Variants in MYH13 observed in about 807,000 individuals in gnomAD.
MYH13 encodes myosin-13.
MYH13 carries 177 observed loss-of-function variants against 232.1 expected under a neutral mutation model. That is an observed-to-expected ratio of 0.76 (90% CI 0.67 to 0.86). MYH13 has a LOEUF of 0.86. Among genes scored for constraint, MYH13 ranks in the 40% least tolerant of loss-of-function variants. The pLI is 0.00. For synonymous variants in MYH13, 884 were observed against 923.5 expected (o/e 0.96, Z 0.78); for missense variants, 2,246 against 2,405.9 (o/e 0.93, Z 1.39).
intron 11 of MYH13, among the ~76,000 whole-genome samples, chr17:10,351,897 G>A (rs987026318): frequency 2.0e-5 from 3 of 152,188 alleles, no homozygotes; most frequent in Non-Finnish European, 4.4e-5. Flanking sequence ...ACGTAGGATA[G>A]ACCCAATAGG....
chr17:10,368,969 T>A (rs1299375088), intron 2 of MYH13, among the ~76,000 whole-genome samples: 1 of 152,232 alleles, frequency 6.6e-6, no homozygotes, highest in African/African-American at 2.4e-5. Context: ...GTTTGGGAAC[T>A]ACTGATTTAA....
intron 16 of MYH13, among the ~76,000 whole-genome samples, chr17:10,342,150 A>G (rs1468733228): frequency 6.6e-6 from 1 of 152,054 alleles, no homozygotes; most frequent in African/African-American, 2.4e-5. Flanking sequence ...ATCTCATGTG[A>G]TCCTCCCAGC....
intron 27 of MYH13, among the ~76,000 whole-genome samples, chr17:10,318,505 G>A (rs566168665): frequency 2.0e-5 from 3 of 152,286 alleles, no homozygotes; most frequent in South Asian, 2.1e-4. Context: ...GACAGACACC[G>A]AATTTGCTGG....
rs1216624743 is a variant in MYH13 at position 10,303,446 on chromosome 17, G to A, written c.5519C>T (p.Ala1840Val). The change falls in exon 38 of 41, where the codon GCC becomes GTC. Residue 1840 changes from alanine (A) to valine (V), a missense_variant. Transcript: ENST00000252172. ...LDVEQKRGAE[A>V]LKGAHKYERK... ...TTCGTACTTGTGGGCTCCCTTCAGG[G>A]CTTCAGCTCCCCTCTTCTGTTCCAC... is the stretch of plus-strand genomic sequence containing the variant. The A allele has an allele frequency of 1.9e-6, 3 of 1,613,944 alleles. No homozygotes were observed. Among genetic ancestry groups the A allele is most frequent in the East Asian group, 4.5e-5 (2 of 44,880 alleles).
Position 10,304,015 on chromosome 17 carries a change from G to T in MYH13, c.5467-517C>A, listed in dbSNP as rs1448752924. The stretch of plus-strand genomic sequence containing the variant: ...AAACCATCATTCTCAGCAAACTAAG[G>T]AACAGAAAACCAAACACCACATATT... On this transcript the variant is annotated intron_variant, in intron 37 of 40. Coordinates refer to ENST00000252172, the MANE Select transcript of MYH13 (RefSeq NM_003802.3). The surrounding 1 kb of genome is among the most constrained non-coding windows in gnomAD (Gnocchi z 5.3). Among the ~76,000 whole-genome samples, 5 of 152,096 alleles carry T rather than the reference G, an allele frequency of 3.3e-5. No individual in the cohort carries two copies. The highest frequency in any genetic ancestry group is 3.3e-4 in the Admixed American group (5 of 15,264).
In MYH13 at chr17:10,328,251, C is replaced by T. The variant is rs553473403; in HGVS notation, c.2436-130G>A. On this transcript the variant is annotated intron_variant, in intron 21 of 40. Coordinates refer to ENST00000252172, the MANE Select transcript of MYH13 (RefSeq NM_003802.3). The stretch of plus-strand genomic sequence containing the variant: ...GGGAAGGAGGTGCAGCCAAGCTTGG[C>T]AGATCCTCTGGATCCAGAGTAGGTC... 117 of 1,035,944 alleles carry T rather than the reference C, an allele frequency of 1.1e-4. 1 individual carries two copies. In the Middle Eastern group the frequency reaches 1.5e-3, roughly 13 times the overall value. The allele number at this position is 1,035,944 out of a possible 1,614,324, so 64.2% of individuals were successfully genotyped here. A position where few individuals can be genotyped will look rare whatever the true frequency, so the allele number is the denominator to read the frequency against.
At chr17:10,347,970 C>T (rs939307256) in intron 12 of MYH13, among the ~76,000 whole-genome samples, 1 of 151,982 alleles carries the variant, frequency 6.6e-6, no homozygotes, top group Non-Finnish European at 1.5e-5. Flanking sequence ...GCCCACCTCC[C>T]AAAGTGCTGG....
At chr17:10,326,580 C>T (rs866617718) in intron 22 of MYH13, among the ~76,000 whole-genome samples, 5 of 151,784 alleles carry the variant, frequency 3.3e-5, no homozygotes, top group South Asian at 2.1e-4. Flanking sequence ...AAGTGATTCT[C>T]CTGCCTCAGC....
intron 23 of MYH13, among the ~76,000 whole-genome samples, chr17:10,323,776 AAAAAAAAAAAAAAGAAGAAG>A (rs1433987357): frequency 5.6e-4 from 58 of 103,180 alleles, no homozygotes; most frequent in East Asian, 2.2e-3. Context: ...AAAAAAAAAA[AAAAAAAAAAAAAAGAAGAAG>A]AAGAAGAAGA....
At chr17:10,365,840 G>GGTGTGTGTGTGTGT (rs150455118) in intron 2 of MYH13, among the ~76,000 whole-genome samples, 1 of 140,192 alleles carries the variant, frequency 7.1e-6, no homozygotes, top group Non-Finnish European at 1.5e-5. Context: ...CTTGCTGCAT[G>GGTGTGTGTGTGTGT]GTGTGTGTGT....
At position 10,362,465 on chromosome 17, in the gene MYH13, G is replaced by A. The variant is rs750087816; in HGVS notation, c.243C>T (p.Asn81=). The A allele has an allele frequency of 3.1e-6, 5 of 1,614,034 alleles. No homozygotes were observed. Among genetic ancestry groups the A allele is most frequent in the Admixed American group, 1.7e-5 (1 of 59,976 alleles). Residue 81 remains asparagine, a synonymous_variant, in exon 4 of 41, where the codon AAC becomes AAT. Coordinates refer to ENST00000252172, the MANE Select transcript of MYH13 (RefSeq NM_003802.3). ...CCTCGATCTTGTCAAATTTGGGAGG[G>A]TTCATGGGGAAGACCTGGTCATTGT... ...TLNNDQVFPM[N]PPKFDKIEDM...
Position 10,345,498 on chromosome 17 carries a change from A to G in MYH13, c.1382T>C (p.Val461Ala). ...TKQPRQYFIG[V>A]LDIAGFEIFD... Reference sequence around the variant, plus strand: ...GATCTCAAAGCCAGCAATGTCCAAGACCCCGATGAAGTACTGCCTGGGCTG... The same window carrying G: ...GATCTCAAAGCCAGCAATGTCCAAGGCCCCGATGAAGTACTGCCTGGGCTG... Residue 461 changes from valine to alanine, a missense_variant, in exon 14 of 41, where the codon GTC becomes GCC. Coordinates refer to ENST00000252172, the MANE Select transcript of MYH13 (RefSeq NM_003802.3). 1 of 1,614,026 alleles carries G rather than the reference A, an allele frequency of 6.2e-7. No individual in the cohort carries two copies. Among genetic ancestry groups the G allele is most frequent in the African/African-American group, 1.3e-5 (1 of 74,986 alleles).
At chr17:10,305,603 C>T (rs1226980375) in intron 37 of MYH13, among the ~76,000 whole-genome samples, 2 of 152,156 alleles carry the variant, frequency 1.3e-5, no homozygotes, top group African/African-American at 4.8e-5. Context: ...TCCTTTCCTC[C>T]CTCTCTTTCA....
intron 22 of MYH13, 73 bp downstream of exon 22, chr17:10,327,793 C>T (rs773532500): frequency 8.8e-5 from 137 of 1,559,280 alleles, no homozygotes; most frequent in Non-Finnish European, 9.9e-5. Flanking sequence ...CACCTGATGG[C>T]GCCCTCAATG....
At chr17:10,357,003 C>T (rs28469270) in intron 8 of MYH13, among the ~76,000 whole-genome samples, 28,548 of 152,058 alleles carry the variant, frequency 0.19, 3,067 homozygotes, top group East Asian at 0.47. Context: ...CTCTGTTGCC[C>T]AGGCTGGAGT....
chr17:10,313,246 G>T lies in MYH13; in HGVS notation c.4093C>A (p.Leu1365Met), dbSNP rs1235080292. 1 of 1,614,218 alleles carries T rather than the reference G, an allele frequency of 6.2e-7. No homozygotes were observed. Among genetic ancestry groups the T allele is most frequent in the Non-Finnish European group, 8.5e-7 (1 of 1,180,052 alleles). ...GCAACCTCACTGTTGGCCTTGGACAGCGCCCTCTGCAGCTCGGCCTTGGCT... is the reference window on the plus strand; with the variant it reads ...GCAACCTCACTGTTGGCCTTGGACATCGCCCTCTGCAGCTCGGCCTTGGCT... ...QEAKAELQRALSKANSEVAQW... is the reference protein window; with the variant it reads ...QEAKAELQRAMSKANSEVAQW... Residue 1365 changes from leucine to methionine, a missense_variant, in exon 30 of 41, where the codon CTG becomes ATG. By Grantham distance (15) the Leu-to-Met change is conservative. Coordinates refer to ENST00000252172, the MANE Select transcript of MYH13 (RefSeq NM_003802.3).
intron 7 of MYH13, among the ~76,000 whole-genome samples, chr17:10,359,086 C>G (rs1401516361): frequency 1.3e-5 from 2 of 152,202 alleles, no homozygotes; most frequent in African/African-American, 4.8e-5. Flanking sequence ...TGGTACGCAG[C>G]TCCTAAAACC....
In MYH13 at chr17:10,312,585, T is replaced by A. The variant is rs1368070329; in HGVS notation, c.4354A>T (p.Asn1452Tyr). ...GGCTGGGGAAGGACCTTGTCGAAGTTCCTCTGCTTCTTGTCCAGTGTGGCA... is the reference window on the plus strand; with the variant it reads ...GGCTGGGGAAGGACCTTGTCGAAGTACCTCTGCTTCTTGTCCAGTGTGGCA... The part of the protein sequence containing the change: ...ACATLDKKQR[N>Y]FDKVLAEWKQ... Residue 1452 changes from asparagine to tyrosine, a missense_variant, in exon 31 of 41, where the codon AAC becomes TAC. Coordinates refer to ENST00000252172, the MANE Select transcript of MYH13 (RefSeq NM_003802.3). The A allele has an allele frequency of 6.2e-7, 1 of 1,612,268 alleles. No individual in the cohort carries two copies.
At chr17:10,357,181 C>A (rs962690295) in intron 8 of MYH13, among the ~76,000 whole-genome samples, 1 of 152,150 alleles carries the variant, frequency 6.6e-6, no homozygotes, top group African/African-American at 2.4e-5. Flanking sequence ...AGGCTCGTCT[C>A]AAACTCCTGG....
Sources: allele counts gnomAD v4.1 joint callset (sites outside exome capture counted in the v4.1 genomes callset), GRCh38; gene constraint gnomAD v4.1.1; non-coding constraint Gnocchi (gnomAD v3.1); transcripts MANE v1.5; gene names NCBI Gene and HGNC (gene_info 2026-07-23, HGNC 2026-07-21).